ARFIP1: variants seen among roughly 807,000 people sequenced by gnomAD.
ARFIP1 encodes the protein arfaptin-1.
In ARFIP1, 24 loss-of-function variants were observed where a neutral mutation model predicts 42.5. The ratio of observed to expected loss-of-function variants is 0.57; its 90% CI spans 0.41 to 0.80. ARFIP1 has a LOEUF of 0.80. Among genes scored for constraint, ARFIP1 ranks in the 30% least tolerant of loss-of-function variants. The probability of loss-of-function intolerance (pLI) is 0.00; values close to 1 mark genes in which losing one functional copy is unlikely to be tolerated. For missense variants in ARFIP1, 354 were observed against 434.0 expected, an observed-to-expected ratio of 0.82 and a Z score of 1.64; for synonymous variants, 141 against 153.7, an observed-to-expected ratio of 0.92 and a Z score of 0.61.
chr4:152,897,456 C>A (rs1469680553), intron 8 of ARFIP1, among the ~76,000 whole-genome samples: 1 of 151,886 alleles, frequency 6.6e-6, no homozygotes, highest in East Asian at 1.9e-4. Context: ...AGACTTGGTT[C>A]TTTTTTGGCA....
chr4:152,822,066 A>G (rs1218261094), intron 1 of ARFIP1, among the ~76,000 whole-genome samples: 2 of 152,216 alleles, frequency 1.3e-5, no homozygotes, highest in Non-Finnish European at 2.9e-5. Flanking sequence ...CAGTGAAGAA[A>G]ACAGTCACTA....
intron 2 of ARFIP1, among the ~76,000 whole-genome samples, chr4:152,840,718 T>C (rs113338926): frequency 0.042 from 6,259 of 147,404 alleles, 164 homozygotes; most frequent in South Asian, 0.12. Context: ...TGTATCTTTT[T>C]TTTTTTTTTT....
intron 8 of ARFIP1, among the ~76,000 whole-genome samples, chr4:152,905,692 A>G (rs1275090382): frequency 6.6e-6 from 1 of 151,168 alleles, no homozygotes; most frequent in Non-Finnish European, 1.5e-5. Flanking sequence ...AGCTGGGATT[A>G]CAGGTGCCTG....
intron 8 of ARFIP1, among the ~76,000 whole-genome samples, chr4:152,904,389 A>G (rs1037951965): frequency 6.6e-6 from 1 of 151,662 alleles, no homozygotes; most frequent in African/African-American, 2.4e-5. Flanking sequence ...GACAGGTTTC[A>G]CCATGTTGGC....
intron 2 of ARFIP1, among the ~76,000 whole-genome samples, chr4:152,858,976 G>A (rs566619901): frequency 3.3e-5 from 5 of 152,196 alleles, no homozygotes; most frequent in African/African-American, 4.8e-5. Flanking sequence ...GAAATCTAAC[G>A]TTTTGAGAGA....
At chr4:152,883,347 C>T (rs1736001221) in intron 7 of ARFIP1, 1 of 152,302 alleles carries the variant, frequency 6.6e-6, no homozygotes, top group South Asian at 2.1e-4. Flanking sequence ...TATACTCTCG[C>T]CTAAATTTAC....
chr4:152,805,635 T>C (rs748709444), intron 1 of ARFIP1, among the ~76,000 whole-genome samples: 4 of 152,256 alleles, frequency 2.6e-5, no homozygotes, highest in Non-Finnish European at 5.9e-5. Context: ...TGGCAGAGCC[T>C]AGATCATGAT....
chr4:152,867,492 G>C (rs1189114797), intron 3 of ARFIP1, among the ~76,000 whole-genome samples: 1 of 152,146 alleles, frequency 6.6e-6, no homozygotes, highest in Non-Finnish European at 1.5e-5. Context: ...CGTGGAAAGA[G>C]AGGGAGAGGG....
At chr4:152,874,082 C>T (rs922944191) in intron 5 of ARFIP1, among the ~76,000 whole-genome samples, 10 of 152,024 alleles carry the variant, frequency 6.6e-5, no homozygotes, top group Non-Finnish European at 1.5e-4. Flanking sequence ...TTGAGTCTTC[C>T]TTTCATGTTG....
chr4:152,810,603 T>A (rs1369294012), intron 1 of ARFIP1, among the ~76,000 whole-genome samples: 3 of 151,358 alleles, frequency 2.0e-5, no homozygotes, highest in Non-Finnish European at 2.9e-5. Flanking sequence ...GGTCAGGAGA[T>A]CGAGACCATC....
chr4:152,792,478 C>T (rs1731198918), intron 1 of ARFIP1, among the ~76,000 whole-genome samples: 1 of 152,042 alleles, frequency 6.6e-6, no homozygotes, highest in Non-Finnish European at 1.5e-5. Flanking sequence ...TGTATCTGCC[C>T]TCCTGTGTCT....
At chr4:152,887,794 C>T (rs1466497771) in intron 7 of ARFIP1, among the ~76,000 whole-genome samples, 1 of 151,992 alleles carries the variant, frequency 6.6e-6, no homozygotes, top group African/African-American at 2.4e-5. Flanking sequence ...TTTGCCTAAT[C>T]AGTACTAAGC....
chr4:152,880,752 G>A (rs1211299922), intron 5 of ARFIP1, among the ~76,000 whole-genome samples: 2 of 152,156 alleles, frequency 1.3e-5, no homozygotes, highest in Admixed American at 1.3e-4. Context: ...AAGTTTGCTA[G>A]ATATGTCTTA....
chr4:152,826,012 G>A (rs1201742111), intron 1 of ARFIP1, among the ~76,000 whole-genome samples: 2 of 151,898 alleles, frequency 1.3e-5, no homozygotes, highest in African/African-American at 4.8e-5. Context: ...GTAGATGTTG[G>A]CATGAATGTG....
intron 2 of ARFIP1, among the ~76,000 whole-genome samples, chr4:152,842,519 G>C (rs1400536879): frequency 3.9e-5 from 6 of 152,204 alleles, no homozygotes; most frequent in Admixed American, 6.5e-5. Context: ...CAAGCTTTTA[G>C]AATTCTCCTC....
chr4:152,908,471 G>A (rs937231637), intron 8 of ARFIP1, among the ~76,000 whole-genome samples: 2 of 151,996 alleles, frequency 1.3e-5, no homozygotes, highest in Admixed American at 1.3e-4. Flanking sequence ...TTATCCAGGC[G>A]TGGTGGTGCG....
intron 1 of ARFIP1, among the ~76,000 whole-genome samples, chr4:152,818,179 G>T (rs1436987171): frequency 6.6e-6 from 1 of 152,184 alleles, no homozygotes; most frequent in Non-Finnish European, 1.5e-5. Flanking sequence ...TTTCCAAGAA[G>T]CAACATAGGA....
At chr4:152,904,308 C>A (rs373337989) in intron 8 of ARFIP1, among the ~76,000 whole-genome samples, 3 of 151,806 alleles carry the variant, frequency 2.0e-5, no homozygotes, top group South Asian at 4.2e-4. Context: ...TCTCCTGCCT[C>A]AGCCTCCCGA....
intron 2 of ARFIP1, among the ~76,000 whole-genome samples, chr4:152,837,509 G>A (rs1051510711): frequency 2.0e-5 from 3 of 152,086 alleles, no homozygotes; most frequent in African/African-American, 7.2e-5. Context: ...GTTTTGATTT[G>A]CATTTTCCTG....
Sources: allele counts gnomAD v4.1 joint callset (sites outside exome capture counted in the v4.1 genomes callset), GRCh38; gene constraint gnomAD v4.1.1; transcripts MANE v1.5; gene names NCBI Gene and HGNC (gene_info 2026-07-23, HGNC 2026-07-21).